The following CFAP251 variants were observed in gnomAD, a reference collection of about 807,000 sequenced individuals.
CFAP251 encodes cilia and flagella associated protein 251, also known as cilia- and flagella-associated protein 251.
CFAP251 carries 93 observed loss-of-function variants against 126.7 expected under a neutral mutation model. The observed-to-expected ratio is 0.73, with a 90% CI of 0.62 to 0.87. The LOEUF (loss-of-function observed/expected upper bound fraction) is 0.87, where lower values mean the gene tolerates loss of function less well. Among genes scored for constraint, CFAP251 ranks in the 40% least tolerant of loss-of-function variants. The pLI is 0.00. For missense variants in CFAP251, 1,287 were observed against 1,389.2 expected, an observed-to-expected ratio of 0.93 and a Z score of 1.17; for synonymous variants, 503 against 506.9, an observed-to-expected ratio of 0.99 and a Z score of 0.10.
At chr12:121,973,799 G>C (rs1882392953) in intron 17 of CFAP251, among the ~76,000 whole-genome samples, 1 of 152,164 alleles carries the variant, frequency 6.6e-6, no homozygotes, top group Non-Finnish European at 1.5e-5. Flanking sequence ...CCCAATTTTG[G>C]TACCTCCATT....
chr12:121,921,228 A>G (rs1211547155), intron 1 of CFAP251, 58 bp from the exon 2 acceptor site: 3 of 1,505,076 alleles, frequency 2.0e-6, no homozygotes, highest in African/African-American at 1.4e-5. Flanking sequence ...TTAGTGCACT[A>G]GGAGATGGAA....
intron 19 of CFAP251, among the ~76,000 whole-genome samples, chr12:121,977,398 C>A (rs1882487210): frequency 6.6e-6 from 1 of 152,334 alleles, no homozygotes; most frequent in Admixed American, 6.5e-5. Context: ...GTGGCTCACG[C>A]CTGTAATCCC....
At chr12:121,923,086 T>C (rs184622840) in intron 2 of CFAP251, among the ~76,000 whole-genome samples, 10 of 152,216 alleles carry the variant, frequency 6.6e-5, no homozygotes, top group South Asian at 6.2e-4. Context: ...TGAACCACCG[T>C]GCCTGGCTCT....
intron 19 of CFAP251, among the ~76,000 whole-genome samples, chr12:121,988,221 TA>T (rs948972854): frequency 2.0e-5 from 3 of 152,020 alleles, no homozygotes; most frequent in African/African-American, 7.2e-5. Flanking sequence ...TTTCTTTTCT[TA>T]AAAAAAACTT....
chr12:121,959,862 T>A (rs7314835), intron 13 of CFAP251: 30,856 of 152,108 alleles, frequency 0.2, 6,672 homozygotes, highest in African/African-American at 0.54. Context: ...GTGTAGCTTA[T>A]ACCTGTAATC....
At chr12:121,952,936 C>T (rs1352112118) in intron 9 of CFAP251, 2 of 152,080 alleles carry the variant, frequency 1.3e-5, no homozygotes, top group Non-Finnish European at 2.9e-5. Flanking sequence ...TTAACTATTG[C>T]TCTTAAGGGA....
intron 7 of CFAP251, among the ~76,000 whole-genome samples, chr12:121,943,288 C>G (rs2948663): frequency 0.62 from 94,410 of 151,934 alleles, 31,936 homozygotes; most frequent in Non-Finnish European, 0.77. Context: ...ACTCCAGCCT[C>G]GGTGACAAAG....
In CFAP251 at chr12:121,936,339, C is replaced by T. The variant is rs543434455; in HGVS notation, c.998+1983C>T. ...GTGCATGCCTGTAGTCCCAGCTACG[C>T]GGGAGGCTGAGGCGGGAAGATGGCT... is the stretch of plus-strand genomic sequence containing the variant. On this transcript the variant is annotated intron_variant, in intron 5 of 21. Coordinates refer to ENST00000288912, the MANE Select transcript of CFAP251 (RefSeq NM_144668.6). 5.9e-5 allele frequency among the ~76,000 whole-genome samples: 9 copies of T among 152,044 alleles called. No individual in the cohort carries two copies. The South Asian group carries it at 1.5e-3, about 25-fold the overall frequency.
intron 19 of CFAP251, among the ~76,000 whole-genome samples, chr12:121,981,852 A>G (rs1483120973): frequency 1.3e-5 from 2 of 152,220 alleles, no homozygotes; most frequent in Admixed American, 6.5e-5. Flanking sequence ...CGACTTGGTC[A>G]AGTTTCAGAA....
intron 3 of CFAP251, among the ~76,000 whole-genome samples, chr12:121,927,300 T>C (rs1439656835): frequency 1.3e-5 from 2 of 152,112 alleles, no homozygotes; most frequent in African/African-American, 4.8e-5. Context: ...ACTTCCTCTT[T>C]TTGTTTTTCT....
chr12:121,948,738 G>T, intron 7 of CFAP251: 1 of 273,874 alleles, frequency 3.7e-6, no homozygotes, highest in Non-Finnish European at 6.8e-6. Context: ...AAAAAGAAAA[G>T]CTTATTCTAA....
rs562113168 is a variant in CFAP251, at chr12:122,003,615, A to G, written c.3338-37A>G. On this transcript the variant is annotated intron_variant, in intron 21 of 21. Transcript: ENST00000288912. ...CAAAAAAGAAAGAAACATAATCATC[A>G]TGAAGGCATTTGGTGTTCTTTTCTT... The G allele has an allele frequency of 1.1e-4, 162 of 1,524,240 alleles. 2 individuals carry two copies. The South Asian group carries it at 1.7e-3, about 16-fold the overall frequency. 94.4% of individuals were successfully genotyped at this position (1,524,240 alleles called of 1,614,324 possible). A position where few individuals can be genotyped will look rare whatever the true frequency, so the allele number is the denominator to read the frequency against.
intron 4 of CFAP251, 73 bp downstream of exon 4, chr12:121,931,959 C>A: frequency 7.5e-7 from 1 of 1,341,068 alleles, no homozygotes; most frequent in Non-Finnish European, 9.7e-7. Flanking sequence ...TTTTGTATCT[C>A]AAGGGCTGAC....
intron 3 of CFAP251, among the ~76,000 whole-genome samples, chr12:121,928,687 T>C (rs1219658977): frequency 2.5e-4 from 9 of 35,318 alleles, no homozygotes; most frequent in Admixed American, 5.4e-4. Flanking sequence ...TATATATATA[T>C]ACGTATATAT....
intron 19 of CFAP251, chr12:121,997,310 C>T (rs1883041819): frequency 6.7e-6 from 1 of 149,192 alleles, no homozygotes; most frequent in Non-Finnish European, 1.5e-5. Flanking sequence ...AGGCTGGTCT[C>T]TAGTTCCTGG....
At chr12:121,983,326 G>A (rs192785832) in intron 19 of CFAP251, among the ~76,000 whole-genome samples, 1 of 147,024 alleles carries the variant, frequency 6.8e-6, no homozygotes, top group Non-Finnish European at 1.5e-5. Flanking sequence ...CCCAGGTGCT[G>A]TAGGCTGCAG....
chr12:121,991,328 C>T (rs1882869957), intron 19 of CFAP251, among the ~76,000 whole-genome samples: 1 of 152,210 alleles, frequency 6.6e-6, no homozygotes, highest in Non-Finnish European at 1.5e-5. Flanking sequence ...TTAGAGCGTG[C>T]ACCGCAGCTG....
Position 121,954,319 on chromosome 12 carries a change from T to C in CFAP251, c.1520T>C (p.Leu507Pro). The change falls in exon 10 of 22, where the codon CTT becomes CCT. Residue 507 changes from leucine (L) to proline (P), a missense_variant. By Grantham distance (98) the Leu-to-Pro change is moderately conservative. Coordinates refer to ENST00000288912, the MANE Select transcript of CFAP251 (RefSeq NM_144668.6). ...VHLQKEGITV[L>P]TTIDSYIVTG... The stretch of plus-strand genomic sequence containing the variant: ...TTGCAGAAAGAGGGTATCACGGTAC[T>C]TACCACAATTGATAGGTAATTTTAA... The C allele has an allele frequency of 6.2e-7, 1 of 1,610,708 alleles. No homozygotes were observed. The highest frequency in any genetic ancestry group is 1.1e-5 in the South Asian group (1 of 90,192).
intron 19 of CFAP251, among the ~76,000 whole-genome samples, chr12:121,994,152 TGG>T (rs1314921301): frequency 2.4e-4 from 8 of 33,314 alleles, no homozygotes; most frequent in African/African-American, 8.8e-4. Flanking sequence ...GGGAGGGAGG[TGG>T]GGGGGGTCAG....
Sources: gnomAD v4.1 joint callset for allele counts (sites outside exome capture counted in the v4.1 genomes callset) on GRCh38, gnomAD v4.1.1 for gene constraint, MANE v1.5 for transcripts, NCBI Gene and HGNC (gene_info 2026-07-23, HGNC 2026-07-21) for gene names.